ASXL1: variants seen among roughly 807,000 people sequenced by gnomAD.
ASXL1 encodes the protein ASXL transcriptional regulator 1.
ASXL1 carries 65 observed loss-of-function variants against 89.1 expected under a neutral mutation model. That is an observed-to-expected ratio of 0.73 (90% confidence interval 0.60 to 0.90). ASXL1 has a LOEUF of 0.90. Among genes scored for constraint, ASXL1 ranks in the 40% least tolerant of loss-of-function variants. ASXL1 has a pLI of 0.00. For missense variants in ASXL1, 1,786 were observed against 1,942.9 expected (o/e 0.92, Z 1.52); for synonymous variants, 739 against 746.9 (o/e 0.99, Z 0.17).
chr20:32,420,137 T>C (rs570445187), intron 4 of ASXL1, among the ~76,000 whole-genome samples: 4 of 152,244 alleles, frequency 2.6e-5, no homozygotes, highest in African/African-American at 9.6e-5. Flanking sequence ...ATAATTATGC[T>C]ATCTGGAAAT....
chr20:32,429,204 C>G lies in ASXL1; in HGVS notation c.472-134C>G, dbSNP rs2011439791. 1 of 860,202 alleles carries G rather than the reference C, an allele frequency of 1.2e-6. No individual in the cohort carries two copies. Among genetic ancestry groups the G allele is most frequent in the Non-Finnish European group, 1.9e-6 (1 of 521,646 alleles). The allele number at this position is 860,202 out of a possible 1,614,324, so 53.3% of individuals were successfully genotyped here. A position where few individuals can be genotyped will look rare whatever the true frequency, so the allele number is the denominator to read the frequency against. On this transcript the variant is annotated intron_variant, in intron 6 of 12. Transcript: ENST00000375687. The surrounding 1 kb of genome is among the most constrained non-coding windows in gnomAD (Gnocchi z 4.9). ...CAGTAACATTAACCAGTGCTCTTGT[C>G]AGCATTATTTGACAGATCTGGTTGA...
Position 32,394,025 on chromosome 20 carries a change from CAG to C in ASXL1, c.252+24905_252+24906del, listed in dbSNP as rs551576929. On this transcript the variant is annotated intron_variant, in intron 4 of 12. Coordinates refer to ENST00000375687, the MANE Select transcript of ASXL1 (RefSeq NM_015338.6). ...TTTTTTTTTTTTTTTTGGTTTGAGA[CAG>C]AGTCTCGCACTGTCACCTGGGCTGG... Among the ~76,000 whole-genome samples the C allele has an allele frequency of 3.2e-5, 4 of 124,566 alleles. No individual in the cohort carries two copies. In the South Asian group the frequency reaches 1.1e-3, roughly 33 times the overall value. The allele number at this position is 124,566 out of a possible 152,430, so 81.7% of individuals were successfully genotyped here.
intron 4 of ASXL1, among the ~76,000 whole-genome samples, chr20:32,394,655 A>T (rs904041262): frequency 1.3e-5 from 2 of 152,118 alleles, no homozygotes; most frequent in Admixed American, 6.5e-5. Context: ...TCACTTTTAC[A>T]TATGTTGTAA....
intron 1 of ASXL1, among the ~76,000 whole-genome samples, chr20:32,361,903 T>TA (rs780908129): frequency 1.3e-5 from 2 of 151,708 alleles, no homozygotes; most frequent in Non-Finnish European, 2.9e-5. Context: ...CCGTCTCTAC[T>TA]AAAAATACAA....
rs1036933030 is a variant in ASXL1, at chr20:32,364,150, T to G, written c.58-2234T>G. Among the ~76,000 whole-genome samples, 3 of 152,216 alleles carry G rather than the reference T, an allele frequency of 2.0e-5. No homozygotes were observed. The East Asian group carries it at 5.8e-4, about 29-fold the overall frequency. ...TCTTTACCGGTGGGCCAGTGGACTT[T>G]GGAAGCTTCAGCTTTTGCAGTATGT... On this transcript the variant is annotated intron_variant, in intron 1 of 12. Coordinates refer to ENST00000375687, the MANE Select transcript of ASXL1 (RefSeq NM_015338.6).
intron 4 of ASXL1, among the ~76,000 whole-genome samples, chr20:32,388,917 T>C (rs148810327): frequency 5.3e-5 from 8 of 152,312 alleles, no homozygotes; most frequent in African/African-American, 1.9e-4. Flanking sequence ...ATACAGAGTT[T>C]GTGTTCCTTT....
intron 4 of ASXL1, among the ~76,000 whole-genome samples, chr20:32,399,745 CTCTTTTTTTT>C (rs1298727354): frequency 3.9e-4 from 26 of 66,586 alleles, no homozygotes; most frequent in African/African-American, 1.4e-3. Flanking sequence ...ACATATTTTA[CTCTTTTTTTT>C]TTTTTTTTTT....
intron 4 of ASXL1, among the ~76,000 whole-genome samples, chr20:32,391,032 C>T (rs1371581259): frequency 6.6e-5 from 10 of 152,054 alleles, no homozygotes; most frequent in South Asian, 4.2e-4. Context: ...GGACTGCAGG[C>T]GCACACCACC....
In ASXL1 at chr20:32,434,420, CT is replaced by C; in HGVS notation, c.1720-5del. The stretch of plus-strand genomic sequence containing the variant: ...AGTCAGTTAAAACTATTTTCTAATT[CT>C]TTTTTTGCAGATTCAACTTTCACGT... On this transcript the variant is annotated splice_polypyrimidine_tract_variant and intron_variant, in intron 12 of 12. Coordinates refer to ENST00000375687, the MANE Select transcript of ASXL1 (RefSeq NM_015338.6). 1 of 1,613,650 alleles carries C rather than the reference CT, an allele frequency of 6.2e-7. No homozygotes were observed. The highest frequency in any genetic ancestry group is 8.5e-7 in the Non-Finnish European group (1 of 1,179,954).
intron 4 of ASXL1, among the ~76,000 whole-genome samples, chr20:32,378,158 TTGTGTGTGTGTGTGTG>T (rs142792019): frequency 1.5e-4 from 20 of 130,314 alleles, no homozygotes; most frequent in South Asian, 1.3e-3. Context: ...GCTGAGTAAT[TTGTGTGTGTGTGTGTG>T]TGTGTGTGTG....
chr20:32,434,860 T>TAG lies in ASXL1; in HGVS notation c.2149_2150dup (p.Arg718GlyfsTer8). The TAG allele has an allele frequency of 6.2e-7, 1 of 1,614,100 alleles. No homozygotes were observed. Among genetic ancestry groups the TAG allele is most frequent in the Non-Finnish European group, 8.5e-7 (1 of 1,180,012 alleles). ...AGGCCGGAACTGCCATGTCCAGAGC[T>TAG]AGGAGAGAGGACCTGCCTTCTCTGA... On this transcript the variant is annotated frameshift_variant, in exon 13 of 13. Transcript: ENST00000375687. LOFTEE classifies it low-confidence loss of function (END_TRUNC).
chr20:32,429,559 C>T lies in ASXL1; in HGVS notation c.565+128C>T. ...TGTCGGGCCACAGGCAAGAGCCCTG[C>T]CAATGGATGAGGCCTGCCATAGGTT... On this transcript the variant is annotated intron_variant, in intron 7 of 12. Transcript: ENST00000375687. The surrounding 1 kb of genome is among the most constrained non-coding windows in gnomAD (Gnocchi z 4.9). The T allele has an allele frequency of 1.0e-6, 1 of 992,108 alleles. No individual in the cohort carries two copies. Among genetic ancestry groups the T allele is most frequent in the East Asian group, 2.6e-5 (1 of 39,048 alleles). The allele number at this position is 992,108 out of a possible 1,614,324, so 61.5% of individuals were successfully genotyped here.
chr20:32,407,285 A>G (rs2048970404), intron 4 of ASXL1, among the ~76,000 whole-genome samples: 1 of 151,750 alleles, frequency 6.6e-6, no homozygotes, highest in Non-Finnish European at 1.5e-5. Flanking sequence ...TGGAGGTTGC[A>G]GTGAGCTGAG....
rs587778060 is a variant in ASXL1 at position 32,436,529 on chromosome 20, C to T, written c.3817C>T (p.Arg1273Cys). The T allele has an allele frequency of 6.8e-6, 11 of 1,614,112 alleles. No homozygotes were observed. The African/African-American group carries it at 9.3e-5, about 14-fold the overall frequency. Residue 1273 changes from arginine (R) to cysteine (C), a missense_variant, in exon 13 of 13, where the codon CGT becomes TGT. Physicochemically the swap from Arg to Cys is radical, Grantham distance 180. This residue lies in a region of ASXL1 where 1,418 missense variants were observed against 1,427.8 expected (regional missense o/e 0.99). Coordinates refer to ENST00000375687, the MANE Select transcript of ASXL1 (RefSeq NM_015338.6). ...PGDLTTSRTP[R>C]FSSPNVISFG... Reference sequence around the variant, plus strand: ...AGATCTTACTACCTCGAGAACACCTCGTTTCTCATCTCCAAATGTGATCTC... The same window carrying T: ...AGATCTTACTACCTCGAGAACACCTTGTTTCTCATCTCCAAATGTGATCTC...
At chr20:32,401,135 A>G (rs1185898909) in intron 4 of ASXL1, among the ~76,000 whole-genome samples, 1 of 152,238 alleles carries the variant, frequency 6.6e-6, no homozygotes, top group African/African-American at 2.4e-5. Flanking sequence ...ACATTGGTAT[A>G]ATAGTGTTAA....
At chr20:32,417,930 G>C (rs55695416) in intron 4 of ASXL1, among the ~76,000 whole-genome samples, 2 of 152,076 alleles carry the variant, frequency 1.3e-5, no homozygotes, top group African/African-American at 4.8e-5. Context: ...AGTAATCCCA[G>C]CACTTTGGGA....
rs566772197 is a variant in ASXL1 at position 32,393,502 on chromosome 20, C to T, written c.252+24379C>T. Among the ~76,000 whole-genome samples the T allele has an allele frequency of 3.3e-5, 5 of 152,082 alleles. No individual in the cohort carries two copies. The South Asian group carries it at 1.0e-3, about 32-fold the overall frequency. ...CTGATTTTTTTTTGAGATGGAGTCT[C>T]GCCCTGTCGCCCAGGCTGCAGTGCA... On this transcript the variant is annotated intron_variant, in intron 4 of 12. Coordinates refer to ENST00000375687, the MANE Select transcript of ASXL1 (RefSeq NM_015338.6).
Position 32,437,413 on chromosome 20 carries a change from A to G in ASXL1, c.*75A>G. ...AATGATTGATCTTAAATCTGTATACAGAATATCATTGATATAATACTCTTT... is the reference window on the plus strand; with the variant it reads ...AATGATTGATCTTAAATCTGTATACGGAATATCATTGATATAATACTCTTT... On this transcript the variant is annotated 3_prime_UTR_variant, in exon 13 of 13. Transcript: ENST00000375687. 4 of 1,579,854 alleles carry G rather than the reference A, an allele frequency of 2.5e-6. No individual in the cohort carries two copies. The highest frequency in any genetic ancestry group is 3.5e-6 in the Non-Finnish European group (4 of 1,149,956).
chr20:32,419,223 G>GA, intron 4 of ASXL1, among the ~76,000 whole-genome samples: 1 of 151,836 alleles, frequency 6.6e-6, no homozygotes, highest in East Asian at 1.9e-4. Flanking sequence ...GTTTTTTTGA[G>GA]ACAGGGTCTT....
Sources: allele counts gnomAD v4.1 joint callset (sites outside exome capture counted in the v4.1 genomes callset), GRCh38; gene constraint gnomAD v4.1.1; regional missense constraint gnomAD v4.1.1; non-coding constraint Gnocchi (gnomAD v3.1); transcripts MANE v1.5; gene names NCBI Gene and HGNC (gene_info 2026-07-23, HGNC 2026-07-21).